Variants in PIEZO2 observed in about 807,000 individuals in gnomAD.
The protein encoded by PIEZO2 is piezo type mechanosensitive ion channel component 2.
In PIEZO2, 172 loss-of-function variants were observed where a neutral mutation model predicts 337.3. That is an observed-to-expected ratio of 0.51 (90% CI 0.45 to 0.58). PIEZO2 has a LOEUF of 0.58. Among genes scored for constraint, PIEZO2 ranks in the 20% least tolerant of loss-of-function variants. The probability of loss-of-function intolerance (pLI) is 0.00; values close to 1 mark genes in which losing one functional copy is unlikely to be tolerated. For missense variants in PIEZO2, 3,028 were observed against 3,391.3 expected (o/e 0.89, Z 2.66); for synonymous variants, 1,251 against 1,228.5 (o/e 1.02, Z -0.38).
intron 36 of PIEZO2, among the ~76,000 whole-genome samples, chr18:10,729,309 A>G (rs139505273): frequency 1.1e-3 from 166 of 152,270 alleles, no homozygotes; most frequent in Non-Finnish European, 1.9e-3. Flanking sequence ...CAAGCCATCT[A>G]TGGATACATT....
intron 2 of PIEZO2, among the ~76,000 whole-genome samples, chr18:11,061,986 T>A (rs2037978659): frequency 6.6e-6 from 1 of 152,198 alleles, no homozygotes; most frequent in African/African-American, 2.4e-5. Context: ...GCTGGAGGCA[T>A]CATGCTACCT....
At chr18:10,791,718 TG>T in intron 13 of PIEZO2, 1 of 153,486 alleles carries the variant, frequency 6.5e-6, no homozygotes. Flanking sequence ...AATACTCCCT[TG>T]ACTGCAATGT....
At chr18:10,696,311 A>G in intron 46 of PIEZO2, 23 bp from the exon 47 acceptor site, 1 of 1,613,658 alleles carries the variant, frequency 6.2e-7, no homozygotes, top group South Asian at 1.1e-5. Context: ...CAACAAATTC[A>G]TGCCCAAGAG....
Position 10,763,115 on chromosome 18 carries a change from A to G in PIEZO2, c.2947-17T>C, listed in dbSNP as rs748071331. On this transcript the variant is annotated splice_polypyrimidine_tract_variant and intron_variant, in intron 21 of 55. Coordinates refer to ENST00000674853, the MANE Select transcript of PIEZO2 (RefSeq NM_001378183.1). ...CAGAGACACCTGAAAACGTAAAACC[A>G]GAAATGGGGACAAAAATACGTAACA... is the stretch of plus-strand genomic sequence containing the variant. The G allele has an allele frequency of 2.0e-6, 3 of 1,534,632 alleles. No individual in the cohort carries two copies. The highest frequency in any genetic ancestry group is 2.6e-6 in the Non-Finnish European group (3 of 1,145,358).
intron 49 of PIEZO2, among the ~76,000 whole-genome samples, chr18:10,684,060 C>CCCTCCCTTCCTT: frequency 6.8e-6 from 1 of 147,556 alleles, no homozygotes; most frequent in East Asian, 2.0e-4. Context: ...CTCCCTCCCT[C>CCCTCCCTTCCTT]CCTTCCTTCC....
rs950537449 is a variant in PIEZO2 at position 11,021,502 on chromosome 18, G to C, written c.161-41842C>G. ...GGTGGTAAGGATGCAAATTTGAGTT[G>C]AGTTTCTGAGCAGACTCTCCTGCTT... is the stretch of plus-strand genomic sequence containing the variant. On this transcript the variant is annotated intron_variant, in intron 2 of 55. Coordinates refer to ENST00000674853, the MANE Select transcript of PIEZO2 (RefSeq NM_001378183.1). This position sits in a 1 kb window ranked among gnomAD's most constrained non-coding sequence, Gnocchi z 4.7. 6.6e-6 allele frequency among the ~76,000 whole-genome samples: 1 copy of C among 152,116 alleles called. No homozygotes were observed. Among genetic ancestry groups the C allele is most frequent in the African/African-American group, 2.4e-5 (1 of 41,414 alleles).
chr18:10,780,589 C>A (rs77266446), intron 17 of PIEZO2, among the ~76,000 whole-genome samples: 1 of 151,578 alleles, frequency 6.6e-6, no homozygotes, highest in East Asian at 1.9e-4. Context: ...TAAAAGATAA[C>A]AAGCCTCTCC....
At chr18:10,782,361 A>G (rs1359781856) in intron 17 of PIEZO2, among the ~76,000 whole-genome samples, 21 of 53,618 alleles carry the variant, frequency 3.9e-4, no homozygotes, top group Non-Finnish European at 3.8e-4. Context: ...TTATAATTAT[A>G]TATAAATAAT....
rs551362805 is a variant in PIEZO2, at chr18:10,847,901, C to T, written c.917+7452G>A. Among the ~76,000 whole-genome samples the T allele has an allele frequency of 2.1e-3, 316 of 152,302 alleles. 2 individuals are homozygous for T. Among genetic ancestry groups the T allele is most frequent in the Middle Eastern group, 0.01 (3 of 294 alleles). On this transcript the variant is annotated intron_variant, in intron 7 of 55. Transcript: ENST00000674853. The surrounding 1 kb of genome is among the most constrained non-coding windows in gnomAD (Gnocchi z 5.7). ...CAAAAAGGTGAAGGGAAAGTGGTAG[C>T]TTGGTTGGGTTCATTTGCATTCCTT...
chr18:10,838,161 C>A (rs1014287363), intron 7 of PIEZO2, among the ~76,000 whole-genome samples: 2 of 152,148 alleles, frequency 1.3e-5, no homozygotes, highest in African/African-American at 4.8e-5. Context: ...CTTGTGGCAT[C>A]CCATCCTATA....
intron 2 of PIEZO2, among the ~76,000 whole-genome samples, chr18:11,030,795 A>G (rs1159194789): frequency 6.6e-6 from 1 of 152,226 alleles, no homozygotes; most frequent in African/African-American, 2.4e-5. Flanking sequence ...TATAAAAACA[A>G]GCACCTAGAC....
chr18:10,975,406 A>G (rs2034404577), intron 3 of PIEZO2, among the ~76,000 whole-genome samples: 1 of 152,158 alleles, frequency 6.6e-6, no homozygotes, highest in Non-Finnish European at 1.5e-5. Context: ...TGTTTGAGCA[A>G]AATTTACATA....
intron 2 of PIEZO2, among the ~76,000 whole-genome samples, chr18:10,997,075 A>G (rs748736534): frequency 2.6e-5 from 4 of 152,160 alleles, no homozygotes; most frequent in African/African-American, 9.7e-5. Context: ...TGAGACCTGA[A>G]CTGTGACATA....
At position 10,713,779 on chromosome 18, in the gene PIEZO2, C is replaced by A. The variant is rs1053901043; in HGVS notation, c.5423+985G>T. Among the ~76,000 whole-genome samples the A allele has an allele frequency of 6.6e-6, 1 of 152,186 alleles. No individual in the cohort carries two copies. Among genetic ancestry groups the A allele is most frequent in the Non-Finnish European group, 1.5e-5 (1 of 68,034 alleles). On this transcript the variant is annotated intron_variant, in intron 39 of 55. Coordinates refer to ENST00000674853, the MANE Select transcript of PIEZO2 (RefSeq NM_001378183.1). This position sits in a 1 kb window ranked among gnomAD's most constrained non-coding sequence, Gnocchi z 4.5. ...CATGAATGTTCTCAGTGATACAATT[C>A]TTTACCCATGAAGGTGGCTATAAGG...
intron 4 of PIEZO2, among the ~76,000 whole-genome samples, chr18:10,909,530 A>G (rs1598667968): frequency 6.6e-6 from 1 of 151,956 alleles, no homozygotes; most frequent in African/African-American, 2.4e-5. Flanking sequence ...TGATGGCACT[A>G]TTCTGGAAGA....
At chr18:10,886,380 GTATATA>G (rs1173330460) in intron 4 of PIEZO2, among the ~76,000 whole-genome samples, 1 of 3,034 alleles carries the variant, frequency 3.3e-4, no homozygotes, top group Non-Finnish European at 4.3e-4. Context: ...GTGTGTGTGT[GTATATA>G]TATATATATA....
chr18:11,007,736 G>C (rs1017918443), intron 2 of PIEZO2, among the ~76,000 whole-genome samples: 2 of 152,080 alleles, frequency 1.3e-5, no homozygotes, highest in African/African-American at 2.4e-5. Context: ...TGAACTGAGG[G>C]GGGTGGCAAA....
At chr18:10,695,003 A>G (rs60018889) in intron 47 of PIEZO2, among the ~76,000 whole-genome samples, 28,596 of 152,218 alleles carry the variant, frequency 0.19, 3,214 homozygotes, top group East Asian at 0.33. Flanking sequence ...GCTTGTGTAC[A>G]TAAAATCAGA....
chr18:10,781,028 A>T lies in PIEZO2; in HGVS notation c.2493-662T>A, dbSNP rs1183572130. Among the ~76,000 whole-genome samples, 1 of 132,824 alleles carries T rather than the reference A, an allele frequency of 7.5e-6. No individual in the cohort carries two copies. Among genetic ancestry groups the T allele is most frequent in the East Asian group, 2.0e-4 (1 of 5,094 alleles). The allele number at this position is 132,824 out of a possible 152,430, so 87.1% of individuals were successfully genotyped here. A position where few individuals can be genotyped will look rare whatever the true frequency, so the allele number is the denominator to read the frequency against. On this transcript the variant is annotated intron_variant, in intron 17 of 55. Coordinates refer to ENST00000674853, the MANE Select transcript of PIEZO2 (RefSeq NM_001378183.1). This position sits in a 1 kb window ranked among gnomAD's most constrained non-coding sequence, Gnocchi z 4.1. The stretch of plus-strand genomic sequence containing the variant: ...TAATTTTTGCTGCTACCCCAGAATT[A>T]AAAAAAAAAAGGATCCTACTCAGCG...
Sources: gnomAD v4.1 joint callset for allele counts (sites outside exome capture counted in the v4.1 genomes callset) on GRCh38, gnomAD v4.1.1 for gene constraint, Gnocchi (gnomAD v3.1) non-coding constraint, MANE v1.5 for transcripts, NCBI Gene and HGNC (gene_info 2026-07-23, HGNC 2026-07-21) for gene names.